The following GRIK1 variants were observed in gnomAD, a reference collection of about 807,000 sequenced individuals.
GRIK1 encodes glutamate receptor ionotropic, kainate 1.
A neutral mutation model predicts 105.7 loss-of-function variants in GRIK1; 69 were observed. The ratio of observed to expected loss-of-function variants is 0.65; its 90% CI spans 0.54 to 0.80. The LOEUF is 0.80. GRIK1 is among the 30% of genes least tolerant of loss of function. The pLI, the probability that GRIK1 is intolerant of heterozygous loss-of-function variation, is 0.00. For missense variants in GRIK1, 1,109 were observed against 1,167.3 expected (o/e 0.95, Z 0.73); for synonymous variants, 438 against 431.3 (o/e 1.02, Z -0.19).
chr21:29,772,583 G>A (rs1267889053), intron 1 of GRIK1, among the ~76,000 whole-genome samples: 2 of 152,176 alleles, frequency 1.3e-5, no homozygotes, highest in Middle Eastern at 3.4e-3. Context: ...TTAACTATTT[G>A]TCATCCCCCC....
In GRIK1 at chr21:29,782,187, C is replaced by T. The variant is rs540194361; in HGVS notation, c.119-88124G>A. 3.5e-4 allele frequency among the ~76,000 whole-genome samples: 53 copies of T among 151,034 alleles called. No homozygotes were observed. In the South Asian group the frequency reaches 4.8e-3, roughly 14 times the overall value. On this transcript the variant is annotated intron_variant, in intron 1 of 17. Coordinates refer to ENST00000327783, the MANE Select transcript of GRIK1 (RefSeq NM_001330994.2). ...CTGCAAGCTCTGCCTCCCGGGTTCA[C>T]GCCATTCTCCTGCCTCAGCCTCCCG...
At chr21:29,718,955 T>C (rs957040933) in intron 1 of GRIK1, among the ~76,000 whole-genome samples, 2 of 127,790 alleles carry the variant, frequency 1.6e-5, no homozygotes, top group Non-Finnish European at 3.5e-5. Flanking sequence ...GACATTTCTA[T>C]TGCATTTGCA....
intron 1 of GRIK1, among the ~76,000 whole-genome samples, chr21:29,920,127 G>A (rs541734827): frequency 1.3e-5 from 2 of 151,630 alleles, no homozygotes; most frequent in South Asian, 2.1e-4. Context: ...TTTGCTCACA[G>A]TCTCTCAGGG....
chr21:29,798,351 C>G (rs1021227137), intron 1 of GRIK1, among the ~76,000 whole-genome samples: 1 of 152,170 alleles, frequency 6.6e-6, no homozygotes, highest in African/African-American at 2.4e-5. Flanking sequence ...AAATTTAACT[C>G]TACTACGTAC....
intron 1 of GRIK1, among the ~76,000 whole-genome samples, chr21:29,826,390 A>G (rs466013): frequency 0.46 from 70,538 of 151,970 alleles, 17,445 homozygotes; most frequent in East Asian, 0.7. Context: ...GGTTGTTTTC[A>G]GATAAGATTG....
At chr21:29,765,461 C>T (rs934599886) in intron 1 of GRIK1, among the ~76,000 whole-genome samples, 1 of 152,108 alleles carries the variant, frequency 6.6e-6, no homozygotes, top group Non-Finnish European at 1.5e-5. Context: ...GCTCCACAGA[C>T]ATGGCTACAG....
rs370511471 is a variant in GRIK1, at chr21:29,537,259, G to A, written c.2821C>T (p.Arg941Ter). Residue 941 changes from arginine (R) to a stop codon, truncating the protein, a stop_gained, in exon 18 of 18, where the codon CGA becomes TGA. Coordinates refer to ENST00000327783, the MANE Select transcript of GRIK1 (RefSeq NM_001330994.2). LOFTEE classifies it high-confidence loss of function. ...FTSILTCHQR[R>*]TQRKETVA ...GCCACAGTCTCTTTTCTCTGAGTTC[G>A]TCTCTGATGACAAGTAAGGATACTT... The A allele has an allele frequency of 2.2e-5, 35 of 1,608,646 alleles. No individual in the cohort carries two copies. The highest frequency in any genetic ancestry group is 4.0e-5 in the African/African-American group (3 of 74,408).
At chr21:29,812,647 A>G (rs894813367) in intron 1 of GRIK1, among the ~76,000 whole-genome samples, 6 of 152,130 alleles carry the variant, frequency 3.9e-5, no homozygotes, top group African/African-American at 9.7e-5. Context: ...TAGGAGATAT[A>G]ACAACTAGCA....
intron 1 of GRIK1, among the ~76,000 whole-genome samples, chr21:29,793,546 T>C (rs2066481617): frequency 7.0e-6 from 1 of 142,224 alleles, no homozygotes; most frequent in African/African-American, 2.6e-5. Flanking sequence ...CTTCTCCCCC[T>C]TCCTGTTTAT....
At chr21:29,887,266 T>G (rs2069663445) in intron 1 of GRIK1, among the ~76,000 whole-genome samples, 1 of 152,214 alleles carries the variant, frequency 6.6e-6, no homozygotes, top group Non-Finnish European at 1.5e-5. Context: ...TTTTAAAATT[T>G]AATTCACATG....
intron 1 of GRIK1, among the ~76,000 whole-genome samples, chr21:29,932,023 A>T (rs118000993): frequency 6.6e-6 from 1 of 152,208 alleles, no homozygotes; most frequent in African/African-American, 2.4e-5. Flanking sequence ...ACACAGGCAT[A>T]ATTCTAATAT....
At chr21:29,682,334 A>C (rs375714689) in intron 3 of GRIK1, among the ~76,000 whole-genome samples, 38 of 152,302 alleles carry the variant, frequency 2.5e-4, no homozygotes, top group African/African-American at 8.7e-4. Flanking sequence ...TATTCTGTAC[A>C]TGAATGTTCT....
chr21:29,630,396 G>A (rs895108244), intron 7 of GRIK1: 7 of 409,004 alleles, frequency 1.7e-5, no homozygotes, highest in South Asian at 7.4e-5. Context: ...AATGTTTTGC[G>A]ATGCAATTAG....
At chr21:29,562,059 T>C (rs890332216) in intron 14 of GRIK1, among the ~76,000 whole-genome samples, 5 of 152,200 alleles carry the variant, frequency 3.3e-5, no homozygotes, top group Non-Finnish European at 7.3e-5. Context: ...CGGAGGCAGC[T>C]ATTACATGGA....
At chr21:29,889,488 C>T (rs1330127911) in intron 1 of GRIK1, among the ~76,000 whole-genome samples, 1 of 151,796 alleles carries the variant, frequency 6.6e-6, no homozygotes, top group Non-Finnish European at 1.5e-5. Flanking sequence ...TCAATTTTTT[C>T]CTTCTCCTTC....
intron 7 of GRIK1, among the ~76,000 whole-genome samples, chr21:29,604,380 T>A (rs1263303311): frequency 6.6e-6 from 1 of 152,204 alleles, no homozygotes; most frequent in African/African-American, 2.4e-5. Context: ...TACCCATGTC[T>A]TCCTGCCTCT....
chr21:29,572,769 T>A (rs934001908), intron 14 of GRIK1, among the ~76,000 whole-genome samples: 12 of 150,752 alleles, frequency 8.0e-5, no homozygotes, highest in African/African-American at 3.0e-4. Flanking sequence ...TTGGTCTTTT[T>A]TTTTTCTTCT....
intron 3 of GRIK1, among the ~76,000 whole-genome samples, chr21:29,674,077 G>T (rs534081510): frequency 0.047 from 6,529 of 137,934 alleles, 202 homozygotes; most frequent in Non-Finnish European, 0.072. Context: ...TTTTTTTGTT[G>T]TTTTTTTTTT....
At chr21:29,617,857 A>G (rs1399750325) in intron 7 of GRIK1, among the ~76,000 whole-genome samples, 3 of 152,218 alleles carry the variant, frequency 2.0e-5, no homozygotes, top group African/African-American at 7.2e-5. Context: ...AGGATTTGCA[A>G]TGGCTTATTT....
Sources: gnomAD v4.1 joint callset for allele counts (sites outside exome capture counted in the v4.1 genomes callset) on GRCh38, gnomAD v4.1.1 for gene constraint, MANE v1.5 for transcripts, NCBI Gene and HGNC (gene_info 2026-07-23, HGNC 2026-07-21) for gene names.